The following ACTA2 variants were observed in gnomAD, a reference collection of about 807,000 sequenced individuals.
ACTA2 encodes the protein actin, aortic smooth muscle.
In ACTA2, 12 loss-of-function variants were observed where a neutral mutation model predicts 39.5. The ratio of observed to expected loss-of-function variants is 0.30; its 90% CI spans 0.19 to 0.49. The LOEUF (loss-of-function observed/expected upper bound fraction) is 0.49, where lower values mean the gene tolerates loss of function less well. ACTA2 is among the 20% of genes least tolerant of loss of function. The pLI is 0.99. For synonymous variants in ACTA2, 158 were observed against 180.6 expected, an observed-to-expected ratio of 0.88 and a Z score of 1.00; for missense variants, 236 against 498.8, an observed-to-expected ratio of 0.47 and a Z score of 5.02.
intron 1 of ACTA2, among the ~76,000 whole-genome samples, chr10:88,951,303 C>G (rs1846045144): frequency 6.6e-6 from 1 of 152,012 alleles, no homozygotes; most frequent in Non-Finnish European, 1.5e-5. Flanking sequence ...AAAGTAAGGG[C>G]TGAAAAGAGG....
At chr10:88,974,919 A>G (rs1846529030) in intron 1 of ACTA2, 1 of 152,200 alleles carries the variant, frequency 6.6e-6, no homozygotes, top group Admixed American at 6.5e-5. Context: ...TGTACAGATC[A>G]GCCACTTGCT....
At chr10:88,971,746 C>G (rs1364806726) in intron 1 of ACTA2, among the ~76,000 whole-genome samples, 2 of 152,038 alleles carry the variant, frequency 1.3e-5, no homozygotes, top group African/African-American at 4.8e-5. Context: ...TGTGCAATAT[C>G]CCTCTTTTTG....
intron 1 of ACTA2, among the ~76,000 whole-genome samples, chr10:88,985,809 T>C (rs1038244685): frequency 1.3e-5 from 2 of 152,184 alleles, no homozygotes; most frequent in African/African-American, 4.8e-5. Flanking sequence ...TGGAGGTTGT[T>C]TGGGGGCAGG....
intron 5 of ACTA2, 131 bp from the exon 6 acceptor site, chr10:88,941,521 T>C: frequency 2.5e-6 from 3 of 1,211,716 alleles, no homozygotes; most frequent in Non-Finnish European, 3.6e-6. Context: ...ACAGGGCATG[T>C]GATAGGAGAG....
chr10:88,990,883 G>C lies in ACTA2; in HGVS notation c.-24+56C>G, dbSNP rs759288204. ...GGAGGATTGCTCAACAACCATGCTG[G>C]GCATCTGGACCCTCCTACCTCTGGT... On this transcript the variant is annotated intron_variant, in intron 1 of 4. Coordinates refer to the ACTA2 transcript ENST00000415557. This position sits in a 1 kb window ranked among gnomAD's most constrained non-coding sequence, Gnocchi z 4.9. 1.9e-6 allele frequency: 3 copies of C among 1,614,216 alleles called. No individual in the cohort carries two copies. Among genetic ancestry groups the C allele is most frequent in the Non-Finnish European group, 2.5e-6 (3 of 1,180,036 alleles).
intron 1 of ACTA2, among the ~76,000 whole-genome samples, chr10:88,981,458 C>T (rs933143740): frequency 1.3e-5 from 2 of 151,736 alleles, no homozygotes; most frequent in Non-Finnish European, 2.9e-5. Context: ...ATATTCACAC[C>T]AGGAAAAGTT....
rs1450417581 is a variant in ACTA2 at position 88,990,947 on chromosome 10, A to G, written c.-32T>C. The G allele has an allele frequency of 1.2e-6, 2 of 1,613,966 alleles. No individual in the cohort carries two copies. The highest frequency in any genetic ancestry group is 1.7e-4 in the Middle Eastern group (1 of 6,058). On this transcript the variant is annotated 5_prime_UTR_variant, in exon 1 of 5. Coordinates refer to the ACTA2 transcript ENST00000415557. This position sits in a 1 kb window ranked among gnomAD's most constrained non-coding sequence, Gnocchi z 4.9. The stretch of plus-strand genomic sequence containing the variant: ...CCCGGGTGGAGGCTTACCCCGTCTT[A>G]GTCCCGGGGATAGGCAAAGTGGGGC...
chr10:88,947,203 G>C, intron 3 of ACTA2, 55 bp downstream of exon 3: 3 of 1,608,482 alleles, frequency 1.9e-6, no homozygotes, highest in Non-Finnish European at 2.6e-6. Flanking sequence ...TTCTGTATCA[G>C]AGAACACAGG....
intron 1 of ACTA2, chr10:88,974,473 C>T (rs945277988): frequency 1.3e-5 from 2 of 152,150 alleles, no homozygotes; most frequent in African/African-American, 4.8e-5. Context: ...TGTTGGTGGT[C>T]TTTTAAAAAA....
intron 6 of ACTA2, chr10:88,940,947 T>G: frequency 2.5e-6 from 1 of 395,358 alleles, no homozygotes; most frequent in Non-Finnish European, 4.9e-6. Context: ...CTCTGCACAA[T>G]CTTCTTCTAT....
chr10:88,959,014 C>T (rs1256833457), intron 1 of ACTA2, among the ~76,000 whole-genome samples: 1 of 152,140 alleles, frequency 6.6e-6, no homozygotes, highest in African/African-American at 2.4e-5. Flanking sequence ...AGACCACAAA[C>T]AAGCCATTTA....
chr10:88,941,389 G>A lies in ACTA2; in HGVS notation c.456C>T (p.Gly152=), dbSNP rs1845848773. The A allele has an allele frequency of 6.2e-7, 1 of 1,613,984 alleles. No individual in the cohort carries two copies. The highest frequency in any genetic ancestry group is 8.5e-7 in the Non-Finnish European group (1 of 1,179,928). The change falls in exon 6 of 9, where the codon GGC becomes GGT. Residue 152 remains glycine, a splice_region_variant and synonymous_variant. Coordinates refer to ENST00000224784, the MANE Select transcript of ACTA2 (RefSeq NM_001613.4). The part of the protein sequence containing the change: ...LSLYASGRTT[G]IVLDSGDGVT... Reference sequence around the variant, plus strand: ...CACCATCTCCAGAGTCCAGCACGATGCCTGGGAGACAATTGGGCGTGATAA... The same window carrying A: ...CACCATCTCCAGAGTCCAGCACGATACCTGGGAGACAATTGGGCGTGATAA...
intron 3 of ACTA2, among the ~76,000 whole-genome samples, chr10:88,945,493 A>AT (rs894162934): frequency 1.3e-3 from 200 of 152,298 alleles, no homozygotes; most frequent in African/African-American, 4.5e-3. Context: ...TGCATTTAAA[A>AT]TTTTTTATGT....
At chr10:88,955,817 A>G (rs768562660), upstream of ACTA2, among the ~76,000 whole-genome samples, 1 of 152,218 alleles carries the variant, frequency 6.6e-6, no homozygotes, top group Non-Finnish European at 1.5e-5. Context: ...TGTAAAGGCA[A>G]ACATTTTGGA....
intron 1 of ACTA2, among the ~76,000 whole-genome samples, chr10:88,978,903 A>ATAT (rs956742252): frequency 2.0e-5 from 3 of 151,372 alleles, no homozygotes; most frequent in South Asian, 2.1e-4. Flanking sequence ...TATTATTATT[A>ATAT]TATTATTATT....
intron 1 of ACTA2, among the ~76,000 whole-genome samples, chr10:88,989,249 TC>T (rs974534787): frequency 3.3e-5 from 5 of 152,188 alleles, no homozygotes; most frequent in African/African-American, 9.7e-5. Context: ...TTGTCAATTG[TC>T]CTTTCCCCTT....
At chr10:88,948,603 T>A (rs995806486) in intron 2 of ACTA2, 199 bp downstream of exon 2, 2 of 650,246 alleles carry the variant, frequency 3.1e-6, no homozygotes, top group African/African-American at 3.6e-5. Context: ...AGACTTTGTA[T>A]CTGATAGATG....
chr10:88,958,384 T>C (rs1216018651), intron 1 of ACTA2, among the ~76,000 whole-genome samples: 2 of 152,226 alleles, frequency 1.3e-5, no homozygotes, highest in Non-Finnish European at 2.9e-5. Context: ...CATAAACTCA[T>C]TTAATCCTCA....
At chr10:88,960,536 G>A (rs1290307320) in intron 1 of ACTA2, among the ~76,000 whole-genome samples, 1 of 152,166 alleles carries the variant, frequency 6.6e-6, no homozygotes, top group Non-Finnish European at 1.5e-5. Context: ...GATACATATA[G>A]TGCTTTGGAC....
Sources: gnomAD v4.1 joint callset for allele counts (sites outside exome capture counted in the v4.1 genomes callset) on GRCh38, gnomAD v4.1.1 for gene constraint, Gnocchi (gnomAD v3.1) non-coding constraint, MANE v1.5 for transcripts, NCBI Gene and HGNC (gene_info 2026-07-23, HGNC 2026-07-21) for gene names.